The following LY75 variants were observed in gnomAD, a reference collection of about 807,000 sequenced individuals.
LY75 encodes the protein lymphocyte antigen 75.
In LY75, 185 loss-of-function variants were observed where a neutral mutation model predicts 231.7. The observed-to-expected ratio is 0.80, with a 90% CI of 0.71 to 0.90. LY75 has a LOEUF of 0.90. Ranked by LOEUF, LY75 falls within the 40% of genes least tolerant of loss-of-function variation. The probability of loss-of-function intolerance (pLI) is 0.00; values close to 1 mark genes in which losing one functional copy is unlikely to be tolerated. For missense variants in LY75, 1,947 were observed against 2,050.2 expected, an observed-to-expected ratio of 0.95 and a Z score of 0.97; for synonymous variants, 668 against 689.0, an observed-to-expected ratio of 0.97 and a Z score of 0.48.
At chr2:159,871,841 A>G (rs1685022314) in intron 13 of LY75, 3 of 152,026 alleles carry the variant, frequency 2.0e-5, no homozygotes, top group African/African-American at 7.3e-5. Context: ...GTGTGTAGAT[A>G]TAAATACACA....
intron 3 of LY75, among the ~76,000 whole-genome samples, chr2:159,890,751 G>C (rs181944844): frequency 6.6e-6 from 1 of 152,182 alleles, no homozygotes; most frequent in Admixed American, 6.5e-5. Context: ...GATGACAGAG[G>C]GTTTGCCCAC....
rs530759738 is a variant in LY75 at position 159,808,865 on chromosome 2, G to A, written c.4700-294C>T. Among the ~76,000 whole-genome samples the A allele has an allele frequency of 3.8e-4, 58 of 152,306 alleles. 1 individual carries two copies. Among genetic ancestry groups the A allele is most frequent in the Non-Finnish European group, 1.3e-4 (9 of 68,028 alleles). ...CTGAGACCTCTCTGACTGTTCAGAT[G>A]AGAAAAGAGAAAGAGTTGTGTAACC... On this transcript the variant is annotated intron_variant, in intron 32 of 34. Coordinates refer to ENST00000263636, the MANE Select transcript of LY75 (RefSeq NM_002349.4).
chr2:159,840,589 C>T (rs1683993020), intron 25 of LY75, 140 bp downstream of exon 25: 3 of 1,334,902 alleles, frequency 2.2e-6, no homozygotes, highest in Middle Eastern at 2.5e-4. Context: ...AATTTAAAAA[C>T]CCCGACATAT....
Position 159,860,707 on chromosome 2 carries a change from A to G in LY75, c.2268+114T>C, listed in dbSNP as rs1185805093. 4.8e-6 allele frequency: 6 copies of G among 1,261,722 alleles called. No individual in the cohort carries two copies. The East Asian group carries it at 1.5e-4, about 31-fold the overall frequency. The allele number at this position is 1,261,722 out of a possible 1,614,324, so 78.2% of individuals were successfully genotyped here. ...CAGGCCATGGGTGTGCTTATCTCTCACTGCATCTAACATCATGCTTCACAT... is the reference window on the plus strand; with the variant it reads ...CAGGCCATGGGTGTGCTTATCTCTCGCTGCATCTAACATCATGCTTCACAT... On this transcript the variant is annotated intron_variant, in intron 15 of 34. Coordinates refer to ENST00000263636, the MANE Select transcript of LY75 (RefSeq NM_002349.4).
chr2:159,814,202 G>A (rs1447422611), intron 31 of LY75, among the ~76,000 whole-genome samples: 1 of 152,146 alleles, frequency 6.6e-6, no homozygotes, highest in Admixed American at 6.5e-5. Context: ...TTTTTTTGTG[G>A]TCTTCCTCAA....
chr2:159,886,295 T>G lies in LY75; in HGVS notation c.913+125A>C, dbSNP rs182509802. 2.9e-6 allele frequency: 3 copies of G among 1,050,676 alleles called. No individual in the cohort carries two copies. The African/African-American group carries it at 4.9e-5, about 17-fold the overall frequency. 65.1% of individuals were successfully genotyped at this position (1,050,676 alleles called of 1,614,324 possible). ...AGAATGGTTTAGGAAGAAAAAATTC[T>G]TCTGAGAGGTAACCATAGTAAGAGC... is the stretch of plus-strand genomic sequence containing the variant. On this transcript the variant is annotated intron_variant, in intron 5 of 34. Coordinates refer to ENST00000263636, the MANE Select transcript of LY75 (RefSeq NM_002349.4).
intron 28 of LY75, among the ~76,000 whole-genome samples, chr2:159,823,671 A>C (rs1015830253): frequency 1.3e-5 from 2 of 152,344 alleles, no homozygotes; most frequent in Non-Finnish European, 2.9e-5. Context: ...GTTGAAATGA[A>C]GGAAAAAATG....
rs754070568 is a variant in LY75 at position 159,898,933 on chromosome 2, C to T, written c.221G>A (p.Arg74Gln). The T allele has an allele frequency of 8.7e-6, 14 of 1,614,056 alleles. No homozygotes were observed. Among genetic ancestry groups the T allele is most frequent in the South Asian group, 7.7e-5 (7 of 91,092 alleles). Residue 74 changes from arginine to glutamine, a missense_variant, in exon 2 of 35, where the codon CGG becomes CAG. Arg to Gln is a conservative substitution (Grantham distance 43). Transcript: ENST00000263636. ...DKLWKWVSQHRLFHLHSQKCL... is the reference protein window; with the variant it reads ...DKLWKWVSQHQLFHLHSQKCL... Reference sequence around the variant, plus strand: ...CTTTTGGGAGTGCAAATGAAAGAGCCGATGCTGGGACACCCACTTCCATAA... The same window carrying T: ...CTTTTGGGAGTGCAAATGAAAGAGCTGATGCTGGGACACCCACTTCCATAA...
At chr2:159,812,864 G>A (rs759633613) in intron 31 of LY75, among the ~76,000 whole-genome samples, 1 of 152,092 alleles carries the variant, frequency 6.6e-6, no homozygotes, top group Admixed American at 6.5e-5. Flanking sequence ...CCTCCATCTA[G>A]TCCCTGGTAA....
chr2:159,874,852 T>TATATATTTTGTAAATATATATAC (rs1560094293), intron 12 of LY75, among the ~76,000 whole-genome samples: 16 of 130,418 alleles, frequency 1.2e-4, no homozygotes, highest in African/African-American at 2.0e-4. Flanking sequence ...TATGTAAATA[T>TATATATTTTGTAAATATATATAC]ATATATATTT....
chr2:159,872,380 A>G (rs1263622892), intron 13 of LY75, 71 bp downstream of exon 13: 6 of 1,557,764 alleles, frequency 3.9e-6, no homozygotes, highest in Middle Eastern at 1.7e-4. Flanking sequence ...AGTGAGGGTA[A>G]GAACATGTCA....
chr2:159,831,568 T>G, intron 28 of LY75, 102 bp downstream of exon 28: 1 of 1,254,612 alleles, frequency 8.0e-7, no homozygotes, highest in Non-Finnish European at 1.1e-6. Flanking sequence ...AATTATACTT[T>G]CACGTATTGA....
rs1682729194 is a variant in LY75, at chr2:159,804,106, TTTATAAACAA to T, written c.*928_*937del. 6.6e-6 allele frequency: 1 copy of T among 152,246 alleles called. No homozygotes were observed. Among genetic ancestry groups the T allele is most frequent in the Non-Finnish European group, 1.5e-5 (1 of 68,036 alleles). 9.4% of individuals were successfully genotyped at this position (152,246 alleles called of 1,614,324 possible). On this transcript the variant is annotated 3_prime_UTR_variant, in exon 35 of 35. Coordinates refer to ENST00000263636, the MANE Select transcript of LY75 (RefSeq NM_002349.4). ...GCACTAAATCTTTAAAAGTCATTGT[TTTATAAACAA>T]TTATAAACAGAAAAAAACTCTTCAT...
intron 17 of LY75, 136 bp from the exon 18 acceptor site, chr2:159,854,671 C>T: frequency 4.2e-6 from 5 of 1,200,306 alleles, no homozygotes; most frequent in Admixed American, 2.7e-5. Context: ...GTACTGACTA[C>T]AAGGAACAAG....
At chr2:159,872,407 G>A in intron 13 of LY75, 44 bp downstream of exon 13, 4 of 1,603,680 alleles carry the variant, frequency 2.5e-6, no homozygotes, top group Non-Finnish European at 2.6e-6. Flanking sequence ...AATATCTAGA[G>A]GACATCAAAT....
chr2:159,880,939 A>ATG (rs1574587823), intron 8 of LY75, 144 bp downstream of exon 8: 3 of 973,648 alleles, frequency 3.1e-6, no homozygotes, highest in Non-Finnish European at 4.4e-6. Flanking sequence ...TTAACAGGTA[A>ATG]TGGTCCGTGG....
intron 12 of LY75, among the ~76,000 whole-genome samples, chr2:159,874,848 AATAT>A (rs34914253): frequency 1.0e-4 from 8 of 80,094 alleles, no homozygotes; most frequent in South Asian, 6.3e-4. Flanking sequence ...AATATATGTA[AATAT>A]ATATATATTT....
rs768079006 is a variant in LY75 at position 159,850,396 on chromosome 2, G to A, written c.2955C>T (p.Gly985=). Residue 985 remains glycine, a synonymous_variant, in exon 22 of 35, where the codon GGC becomes GGT. Coordinates refer to ENST00000263636, the MANE Select transcript of LY75 (RefSeq NM_002349.4). The stretch of plus-strand genomic sequence containing the variant: ...TCTGGCTCAACACTGAAGGAAGGGT[G>A]CCACCATAGGAGTGACAGGTATCGC... ...QASDTCHSYG[G]TLPSVLSQIE... 2 of 1,613,662 alleles carry A rather than the reference G, an allele frequency of 1.2e-6. No homozygotes were observed. Among genetic ancestry groups the A allele is most frequent in the Admixed American group, 1.7e-5 (1 of 59,992 alleles).
chr2:159,876,605 T>C (rs1055388859), intron 11 of LY75, among the ~76,000 whole-genome samples: 1 of 152,070 alleles, frequency 6.6e-6, no homozygotes, highest in Non-Finnish European at 1.5e-5. Context: ...TCACATAGCC[T>C]TTCTGGTCAT....
Sources: allele counts gnomAD v4.1 joint callset (sites outside exome capture counted in the v4.1 genomes callset), GRCh38; gene constraint gnomAD v4.1.1; transcripts MANE v1.5; gene names NCBI Gene and HGNC (gene_info 2026-07-23, HGNC 2026-07-21).